The following TLK2 variants were observed in gnomAD, a reference collection of about 807,000 sequenced individuals.
The protein encoded by TLK2 is tousled like kinase 2.
In TLK2, 6 loss-of-function variants were observed where a neutral mutation model predicts 117.3. The observed-to-expected ratio is 0.05, with a 90% confidence interval of 0.03 to 0.10. The LOEUF (loss-of-function observed/expected upper bound fraction) is 0.10, where lower values mean the gene tolerates loss of function less well. TLK2 is among the 10% of genes least tolerant of loss of function. The probability of loss-of-function intolerance (pLI) is 1.00; values close to 1 mark genes in which losing one functional copy is unlikely to be tolerated. For synonymous variants in TLK2, 257 were observed against 316.7 expected (o/e 0.81, Z 2.00); for missense variants, 299 against 901.2 (o/e 0.33, Z 8.56).
At chr17:62,476,629 ATCCC>A (rs1394840456), upstream of TLK2, among the ~76,000 whole-genome samples, 2 of 150,836 alleles carry the variant, frequency 1.3e-5, no homozygotes, top group African/African-American at 4.9e-5. Context: ...TCTAGCCCAA[ATCCC>A]TCCATCACAG....
chr17:62,537,214 A>G (rs1285418077), intron 7 of TLK2, among the ~76,000 whole-genome samples: 1 of 152,184 alleles, frequency 6.6e-6, no homozygotes, highest in African/African-American at 2.4e-5. Flanking sequence ...CACTCCACCA[A>G]CTGTGTTCAA....
intron 15 of TLK2, among the ~76,000 whole-genome samples, chr17:62,580,959 G>A (rs190245840): frequency 1.3e-4 from 20 of 152,086 alleles, no homozygotes; most frequent in African/African-American, 4.8e-4. Flanking sequence ...AAATAAAAAC[G>A]GTAAAACTAT....
intron 12 of TLK2, chr17:62,574,380 C>A: frequency 6.5e-7 from 1 of 1,527,954 alleles, no homozygotes; most frequent in Non-Finnish European, 8.8e-7. Flanking sequence ...AAGGATACAG[C>A]CCCAGCCTTA....
At chr17:62,501,939 A>G (rs1567802441) in intron 2 of TLK2, among the ~76,000 whole-genome samples, 1 of 152,052 alleles carries the variant, frequency 6.6e-6, no homozygotes, top group Non-Finnish European at 1.5e-5. Flanking sequence ...TCACAAACAA[A>G]CAATCAAACA....
chr17:62,566,491 A>T lies in TLK2; in HGVS notation c.968+1354A>T, dbSNP rs550983830. Among the ~76,000 whole-genome samples, 5 of 152,298 alleles carry T rather than the reference A, an allele frequency of 3.3e-5. No individual in the cohort carries two copies. In the South Asian group the frequency reaches 1.0e-3, roughly 32 times the overall value. On this transcript the variant is annotated intron_variant, in intron 11 of 21. Coordinates refer to ENST00000346027, the MANE Select transcript of TLK2 (RefSeq NM_006852.6). ...CTTCATGATTATTCCTCATGTGTGT[A>T]TATTTTGGTGTGTGAAGAGGCTTTC...
At chr17:62,586,003 G>C (rs2081580188) in intron 15 of TLK2, 132 bp from the exon 16 acceptor site, 2 of 627,574 alleles carry the variant, frequency 3.2e-6, no homozygotes, top group South Asian at 5.1e-5. Flanking sequence ...TTGCAACACT[G>C]ATATAAGTAT....
At chr17:62,502,763 G>A (rs2145024754) in intron 2 of TLK2, among the ~76,000 whole-genome samples, 1 of 152,194 alleles carries the variant, frequency 6.6e-6, no homozygotes, top group African/African-American at 2.4e-5. Flanking sequence ...AAAAAGAAAA[G>A]CAAATCATTT....
intron 9 of TLK2, among the ~76,000 whole-genome samples, chr17:62,557,332 C>T (rs558434953): frequency 3.3e-5 from 5 of 152,208 alleles, no homozygotes; most frequent in African/African-American, 9.6e-5. Context: ...CTAGATATCA[C>T]GTCTTTTTGC....
intron 7 of TLK2, among the ~76,000 whole-genome samples, chr17:62,540,898 G>C (rs1211789181): frequency 6.6e-6 from 1 of 152,178 alleles, no homozygotes; most frequent in African/African-American, 2.4e-5. Flanking sequence ...AAGTGGCCCT[G>C]CATGGTTTGT....
intron 9 of TLK2, among the ~76,000 whole-genome samples, chr17:62,555,866 C>T (rs1427226797): frequency 2.6e-5 from 4 of 152,146 alleles, no homozygotes; most frequent in Non-Finnish European, 4.4e-5. Context: ...GCAAGCTGTG[C>T]GCTCCCCAGT....
rs2077622158 is a variant in TLK2 at position 62,542,695 on chromosome 17, T to C, written c.531+6358T>C. Among the ~76,000 whole-genome samples the C allele has an allele frequency of 2.0e-5, 3 of 152,230 alleles. No individual in the cohort carries two copies. The South Asian group carries it at 6.2e-4, about 31-fold the overall frequency. ...CACTGAAAAGAAGAGAGACATTGAA[T>C]TAGTTTAGATTGAAACAGTTCTGGT... On this transcript the variant is annotated intron_variant, in intron 7 of 21. Transcript: ENST00000346027.
At chr17:62,606,671 G>T (rs2083325189) in intron 20 of TLK2, among the ~76,000 whole-genome samples, 1 of 152,138 alleles carries the variant, frequency 6.6e-6, no homozygotes, top group African/African-American at 2.4e-5. Context: ...ATGAAAGCGT[G>T]CTTTATATTT....
chr17:62,515,032 C>A (rs538652955), intron 2 of TLK2, among the ~76,000 whole-genome samples: 1 of 152,320 alleles, frequency 6.6e-6, no homozygotes, highest in South Asian at 2.1e-4. Flanking sequence ...TCATCTCTAC[C>A]TTCCTCCCCA....
At chr17:62,514,251 C>A (rs1419928697) in intron 2 of TLK2, among the ~76,000 whole-genome samples, 2 of 151,036 alleles carry the variant, frequency 1.3e-5, no homozygotes, top group Non-Finnish European at 2.9e-5. Flanking sequence ...TCAAGCGATT[C>A]TTCTGCCTCA....
At chr17:62,565,286 G>GTGGAAAGA (rs2079663172) in intron 11 of TLK2, 149 bp downstream of exon 11, 1 of 999,208 alleles carries the variant, frequency 1.0e-6, no homozygotes, top group African/African-American at 1.6e-5. Flanking sequence ...GAAATGTATC[G>GTGGAAAGA]AATGAGGTGA....
chr17:62,590,462 C>G (rs74424445), intron 16 of TLK2, among the ~76,000 whole-genome samples: 5,089 of 152,116 alleles, frequency 0.033, 137 homozygotes, highest in Non-Finnish European at 0.046. Context: ...AACAGCAGCA[C>G]GCTTATTTTA....
chr17:62,528,940 C>A (rs2076560120), intron 6 of TLK2, among the ~76,000 whole-genome samples: 1 of 152,168 alleles, frequency 6.6e-6, no homozygotes, highest in Non-Finnish European at 1.5e-5. Context: ...TCCCACTACC[C>A]TAGAAGTGAT....
chr17:62,482,098 G>A (rs1310758152), intron 2 of TLK2, among the ~76,000 whole-genome samples: 71 of 150,762 alleles, frequency 4.7e-4, no homozygotes, highest in Admixed American at 4.0e-3. Context: ...ACAGGTGCCC[G>A]CCACCACGCC....
chr17:62,501,613 G>A (rs1410564063), intron 2 of TLK2, among the ~76,000 whole-genome samples: 3 of 151,084 alleles, frequency 2.0e-5, no homozygotes, highest in Non-Finnish European at 4.4e-5. Context: ...AAAAAAAAAA[G>A]AAAGAATGAG....
Sources: gnomAD v4.1 joint callset for allele counts (sites outside exome capture counted in the v4.1 genomes callset) on GRCh38, gnomAD v4.1.1 for gene constraint, MANE v1.5 for transcripts, NCBI Gene and HGNC (gene_info 2026-07-23, HGNC 2026-07-21) for gene names.